IPMK: variants seen among roughly 807,000 people sequenced by gnomAD.
The protein encoded by IPMK is inositol 1,3,4,6-tetrakisphosphate 5-kinase.
In IPMK, 17 loss-of-function variants were observed where a neutral mutation model predicts 45.8. That is an observed-to-expected ratio of 0.37 (90% CI 0.25 to 0.56). The LOEUF (loss-of-function observed/expected upper bound fraction) is 0.56, where lower values mean the gene tolerates loss of function less well. Among genes scored for constraint, IPMK ranks in the 20% least tolerant of loss-of-function variants. IPMK has a pLI of 0.79. For missense variants in IPMK, 399 were observed against 498.0 expected (o/e 0.80, Z 1.89); for synonymous variants, 180 against 184.3 (o/e 0.98, Z 0.19).
chr10:58,200,265 C>G (rs998921378), intron 4 of IPMK, among the ~76,000 whole-genome samples: 1 of 151,910 alleles, frequency 6.6e-6, no homozygotes, highest in Non-Finnish European at 1.5e-5. Context: ...ATTACAGGTG[C>G]GTGACAATAC....
At chr10:58,206,377 G>A (rs1838071863) in intron 4 of IPMK, among the ~76,000 whole-genome samples, 1 of 152,188 alleles carries the variant, frequency 6.6e-6, no homozygotes, top group African/African-American at 2.4e-5. Context: ...TAAGTTGAAT[G>A]TGGTAATAGT....
chr10:58,201,061 A>T (rs538607556), intron 4 of IPMK, among the ~76,000 whole-genome samples: 1 of 152,344 alleles, frequency 6.6e-6, no homozygotes, highest in Admixed American at 6.5e-5. Context: ...TACACTTATG[A>T]GGGAAAAAAC....
At chr10:58,213,107 G>A (rs1838190768) in intron 4 of IPMK, 1 of 152,836 alleles carries the variant, frequency 6.5e-6, no homozygotes, top group African/African-American at 2.4e-5. Context: ...GGGCGATGGT[G>A]GTGGAGCTAG....
At position 58,197,670 on chromosome 10, in the gene IPMK, GAAA is replaced by G. The variant is rs10617632; in HGVS notation, c.629-975_629-973del. 3.8e-4 allele frequency among the ~76,000 whole-genome samples: 50 copies of G among 130,000 alleles called. 1 individual carries two copies. The highest frequency in any genetic ancestry group is 1.1e-3 in the African/African-American group (44 of 38,662). 85.3% of individuals were successfully genotyped at this position (130,000 alleles called of 152,430 possible). On this transcript the variant is annotated intron_variant, in intron 5 of 5. Transcript: ENST00000373935. ...GTCTCAAAAAAAAAAGAAAAGAAAA[GAAA>G]AAAAAAAAAAAGAAATAGGATTCAA...
intron 4 of IPMK, among the ~76,000 whole-genome samples, chr10:58,208,468 A>G (rs1838105377): frequency 7.8e-6 from 1 of 128,704 alleles, no homozygotes; most frequent in African/African-American, 3.9e-5. Flanking sequence ...TGCTTCTTCA[A>G]ATTGTTCTTG....
Position 58,207,710 on chromosome 10 carries a change from C to T in IPMK, c.547-8389G>A, listed in dbSNP as rs544224570. On this transcript the variant is annotated intron_variant, in intron 4 of 5. Transcript: ENST00000373935. ...AGTAATTACTTTATGAATTTAGGAG[C>T]TCCAGTGTTAGGTGCATATATATTT... Among the ~76,000 whole-genome samples, 3 of 152,222 alleles carry T rather than the reference C, an allele frequency of 2.0e-5. No individual in the cohort carries two copies. The East Asian group carries it at 5.8e-4, about 29-fold the overall frequency.
At chr10:58,226,561 T>TA (rs1349418316) in intron 3 of IPMK, among the ~76,000 whole-genome samples, 5 of 152,168 alleles carry the variant, frequency 3.3e-5, no homozygotes, top group Admixed American at 3.3e-4. Flanking sequence ...TAGTTAATCT[T>TA]AAAAAAGAGA....
intron 1 of IPMK, among the ~76,000 whole-genome samples, chr10:58,245,082 A>T (rs753742475): frequency 5.7e-5 from 4 of 70,782 alleles, no homozygotes; most frequent in Non-Finnish European, 9.7e-5. Context: ...AAATTAAAAT[A>T]AAAAAATTAA....
intron 2 of IPMK, among the ~76,000 whole-genome samples, chr10:58,233,331 A>T (rs1838555685): frequency 6.6e-6 from 1 of 152,182 alleles, no homozygotes; most frequent in Non-Finnish European, 1.5e-5. Flanking sequence ...TGAGGCCAAC[A>T]TCATCCTGAT....
At chr10:58,216,924 C>A (rs1042582389) in intron 3 of IPMK, among the ~76,000 whole-genome samples, 7 of 152,128 alleles carry the variant, frequency 4.6e-5, no homozygotes, top group African/African-American at 1.7e-4. Flanking sequence ...AATCTTGGCT[C>A]AGTGTAACCT....
intron 1 of IPMK, among the ~76,000 whole-genome samples, chr10:58,245,506 G>GGA (rs1838784867): frequency 6.6e-6 from 1 of 150,542 alleles, no homozygotes; most frequent in African/African-American, 2.5e-5. Flanking sequence ...CAACTACTCG[G>GGA]GAGGCTGGGG....
chr10:58,196,633 T>G lies in IPMK; in HGVS notation c.694A>C (p.Lys232Gln), dbSNP rs749426932. The G allele has an allele frequency of 6.8e-6, 11 of 1,613,724 alleles. No homozygotes were observed. The highest frequency in any genetic ancestry group is 3.3e-4 in the Middle Eastern group (2 of 6,058). ...RKDAVAASIQ[K>Q]IEKILQWFEN... ...AACCACTGCAGAATTTTCTCAATCT[T>G]CTGAATACTGGCAGCAACAGCATCT... Residue 232 changes from lysine to glutamine, a missense_variant, in exon 6 of 6, where the codon AAG (lysine) becomes CAG (glutamine). Physicochemically the swap from Lys to Gln is moderately conservative, Grantham distance 53. Around this residue, in one of 2 missense-constraint regions of IPMK, gnomAD observed 288 missense variants for 398.0 expected, o/e 0.72. Transcript: ENST00000373935.
At chr10:58,210,141 T>C (rs1057260056) in intron 4 of IPMK, among the ~76,000 whole-genome samples, 1 of 152,020 alleles carries the variant, frequency 6.6e-6, no homozygotes, top group Admixed American at 6.6e-5. Context: ...CTCAGGCCAA[T>C]GGGATTATAT....
chr10:58,209,099 T>A (rs547767233), intron 4 of IPMK, among the ~76,000 whole-genome samples: 1 of 152,318 alleles, frequency 6.6e-6, no homozygotes, highest in South Asian at 2.1e-4. Context: ...AGGGAGTGAT[T>A]GTGACTCTGC....
At chr10:58,223,511 G>A (rs1430022999) in intron 3 of IPMK, among the ~76,000 whole-genome samples, 4 of 152,222 alleles carry the variant, frequency 2.6e-5, no homozygotes, top group South Asian at 4.1e-4. Flanking sequence ...CATAAATTAC[G>A]AAAATATGGG....
intron 2 of IPMK, among the ~76,000 whole-genome samples, chr10:58,228,881 A>AG (rs1349881844): frequency 2.6e-5 from 4 of 152,176 alleles, no homozygotes; most frequent in Admixed American, 6.5e-5. Context: ...AAGGAAAAAA[A>AG]AGGGAATTCT....
chr10:58,194,302 AAAGT>A lies in IPMK; in HGVS notation c.*1770_*1773del, dbSNP rs1837860528. 6.6e-6 allele frequency: 1 copy of A among 151,880 alleles called. No homozygotes were observed. Among genetic ancestry groups the A allele is most frequent in the Non-Finnish European group, 1.5e-5 (1 of 67,770 alleles). The allele number at this position is 151,880 out of a possible 1,614,324, so 9.4% of individuals were successfully genotyped here. ...AACAAAATCCATATTGTAAAAGAAA[AAAGT>A]AAAACTAAAAATTCTGATTATTATG... On this transcript the variant is annotated 3_prime_UTR_variant, in exon 6 of 6. Coordinates refer to ENST00000373935, the MANE Select transcript of IPMK (RefSeq NM_152230.5).
intron 1 of IPMK, among the ~76,000 whole-genome samples, chr10:58,248,289 A>G (rs1266443586): frequency 6.6e-6 from 1 of 152,172 alleles, no homozygotes; most frequent in African/African-American, 2.4e-5. Flanking sequence ...AATACTGTAC[A>G]TTTAAAAATG....
At chr10:58,217,648 A>AC (rs1838265497) in intron 3 of IPMK, among the ~76,000 whole-genome samples, 2 of 135,414 alleles carry the variant, frequency 1.5e-5, no homozygotes, top group African/African-American at 5.8e-5. Context: ...AGATCGCGCC[A>AC]TTGCACTCCA....
Sources: gnomAD v4.1 joint callset for allele counts (sites outside exome capture counted in the v4.1 genomes callset) on GRCh38, gnomAD v4.1.1 for gene constraint, gnomAD v4.1.1 regional missense constraint, MANE v1.5 for transcripts, NCBI Gene and HGNC (gene_info 2026-07-23, HGNC 2026-07-21) for gene names.